CADM2: variants seen among roughly 807,000 people sequenced by gnomAD.
CADM2 encodes the protein immunoglobulin superfamily member 4D.
A neutral mutation model predicts 49.8 loss-of-function variants in CADM2; 12 were observed. The ratio of observed to expected loss-of-function variants is 0.24; its 90% CI spans 0.15 to 0.39. CADM2 has a LOEUF of 0.39. Among genes scored for constraint, CADM2 ranks in the 10% least tolerant of loss-of-function variants. CADM2 has a pLI of 1.00. For missense variants in CADM2, 378 were observed against 492.3 expected, an observed-to-expected ratio of 0.77 and a Z score of 2.20; for synonymous variants, 214 against 175.4, an observed-to-expected ratio of 1.22 and a Z score of -1.74.
chr3:85,037,084 C>T (rs1436620268), intron 1 of CADM2, among the ~76,000 whole-genome samples: 2 of 151,224 alleles, frequency 1.3e-5, no homozygotes, highest in African/African-American at 2.4e-5. Flanking sequence ...GCAGGAGAAT[C>T]GCTTGAACCT....
intron 7 of CADM2, among the ~76,000 whole-genome samples, chr3:85,941,519 C>T (rs1721904880): frequency 6.6e-6 from 1 of 151,994 alleles, no homozygotes; most frequent in Admixed American, 6.6e-5. Flanking sequence ...AGAAGAGAGG[C>T]AGTGTCATGA....
chr3:85,863,716 T>G (rs1663338795), intron 3 of CADM2, among the ~76,000 whole-genome samples: 1 of 152,116 alleles, frequency 6.6e-6, no homozygotes, highest in Admixed American at 6.6e-5. Flanking sequence ...TAGCGAAAAA[T>G]GATTGAAACA....
intron 1 of CADM2, among the ~76,000 whole-genome samples, chr3:85,093,512 C>G (rs911211055): frequency 1.3e-5 from 2 of 151,604 alleles, no homozygotes; most frequent in African/African-American, 4.8e-5. Flanking sequence ...AAAGATACAT[C>G]CTTACAAATA....
chr3:85,959,657 T>C (rs902923015), intron 7 of CADM2, among the ~76,000 whole-genome samples: 1 of 151,906 alleles, frequency 6.6e-6, no homozygotes, highest in Admixed American at 6.6e-5. Context: ...ATATATAGGA[T>C]AGTGGTCTCA....
intron 1 of CADM2, among the ~76,000 whole-genome samples, chr3:85,437,295 GA>G (rs1373953255): frequency 6.6e-6 from 1 of 152,082 alleles, no homozygotes; most frequent in African/African-American, 2.4e-5. Flanking sequence ...TGGCAATGAT[GA>G]AAAAGTTTCT....
intron 1 of CADM2, among the ~76,000 whole-genome samples, chr3:85,024,600 T>C (rs2034644224): frequency 6.6e-6 from 1 of 151,998 alleles, no homozygotes; most frequent in South Asian, 2.1e-4. Context: ...AATTATAAAA[T>C]TATTTATGAG....
chr3:85,283,495 G>C (rs1196984225), intron 1 of CADM2, among the ~76,000 whole-genome samples: 1 of 151,850 alleles, frequency 6.6e-6, no homozygotes, highest in Non-Finnish European at 1.5e-5. Context: ...TGTATTCTTT[G>C]ATTCATTTAA....
intron 2 of CADM2, among the ~76,000 whole-genome samples, chr3:85,763,351 C>G (rs1197343446): frequency 1.3e-5 from 2 of 152,090 alleles, no homozygotes; most frequent in African/African-American, 4.8e-5. Flanking sequence ...TAAGACTCAC[C>G]CTGATTTATT....
chr3:85,179,535 C>G (rs1433686821), intron 1 of CADM2, among the ~76,000 whole-genome samples: 2 of 151,758 alleles, frequency 1.3e-5, no homozygotes, highest in Admixed American at 6.6e-5. Flanking sequence ...ACAAAAATTA[C>G]AATTTTCTAC....
chr3:85,618,420 GA>G (rs995391592), intron 1 of CADM2, among the ~76,000 whole-genome samples: 1 of 151,692 alleles, frequency 6.6e-6, no homozygotes, highest in African/African-American at 2.4e-5. Context: ...TAACGAAACA[GA>G]AAAAAAAGAT....
At chr3:85,720,979 A>C (rs893575879) in intron 1 of CADM2, among the ~76,000 whole-genome samples, 1 of 152,212 alleles carries the variant, frequency 6.6e-6, no homozygotes, top group Non-Finnish European at 1.5e-5. Context: ...GTTATATAAT[A>C]GCTAATGGTT....
chr3:85,746,855 T>C (rs1443979945), intron 2 of CADM2, among the ~76,000 whole-genome samples: 1 of 152,100 alleles, frequency 6.6e-6, no homozygotes, highest in Non-Finnish European at 1.5e-5. Context: ...CCCACCTCCA[T>C]CATGTCTTTT....
At position 85,656,480 on chromosome 3, in the gene CADM2, G is replaced by T. The variant is rs149215220; in HGVS notation, c.62-70042G>T. Among the ~76,000 whole-genome samples, 1,292 of 152,072 alleles carry T rather than the reference G, an allele frequency of 8.5e-3. 14 individuals carry two copies. Among genetic ancestry groups the T allele is most frequent in the African/African-American group, 0.029 (1,219 of 41,480 alleles). ...ATATACAAAAGATTATCCAGGAGTG[G>T]TGTCGTGCACCTGTAATCCCAACTA... On this transcript the variant is annotated intron_variant, in intron 1 of 9. Coordinates refer to ENST00000383699, the MANE Select transcript of CADM2 (RefSeq NM_001167675.2).
intron 1 of CADM2, among the ~76,000 whole-genome samples, chr3:85,112,150 C>T (rs1194574510): frequency 6.6e-6 from 1 of 151,798 alleles, no homozygotes; most frequent in Non-Finnish European, 1.5e-5. Context: ...GAAACTCTTG[C>T]AGCATAGAGT....
At position 85,331,007 on chromosome 3, in the gene CADM2, A is replaced by C. The variant is rs1194521342; in HGVS notation, c.61+371339A>C. On this transcript the variant is annotated intron_variant, in intron 1 of 9. Transcript: ENST00000383699. Reference sequence around the variant, plus strand: ...TTTTATTTAGAACGTTTATGGATATATAATAGCTGTGCATATTTATGGGGT... The same window carrying C: ...TTTTATTTAGAACGTTTATGGATATCTAATAGCTGTGCATATTTATGGGGT... 2.0e-5 allele frequency among the ~76,000 whole-genome samples: 3 copies of C among 152,152 alleles called. No homozygotes were observed. The East Asian group carries it at 5.8e-4, about 29-fold the overall frequency.
chr3:85,483,166 T>C (rs1221677585), intron 1 of CADM2, among the ~76,000 whole-genome samples: 1 of 151,574 alleles, frequency 6.6e-6, no homozygotes, highest in African/African-American at 2.4e-5. Context: ...TTTACCATTT[T>C]AACTGTAAGT....
In CADM2 at chr3:85,044,776, T is replaced by TTTTC. The variant is rs1225831663; in HGVS notation, c.61+85124_61+85127dup. 4.0e-5 allele frequency among the ~76,000 whole-genome samples: 6 copies of TTTTC among 149,300 alleles called. No individual in the cohort carries two copies. In the South Asian group the frequency reaches 6.3e-4, roughly 16 times the overall value. On this transcript the variant is annotated intron_variant, in intron 1 of 9. Transcript: ENST00000383699. ...CATTTATAAAAAAGTTTTAGTGTCT[T>TTTTC]TTTCTTTCTTTCTTTCTTTTTTCTT...
intron 1 of CADM2, among the ~76,000 whole-genome samples, chr3:85,155,559 G>T (rs1164528584): frequency 1.3e-5 from 2 of 152,136 alleles, no homozygotes; most frequent in African/African-American, 4.8e-5. Flanking sequence ...AGGATACCCA[G>T]GAATTGAACT....
intron 1 of CADM2, among the ~76,000 whole-genome samples, chr3:85,239,104 G>T (rs1365897575): frequency 6.6e-6 from 1 of 151,742 alleles, no homozygotes; most frequent in African/African-American, 2.4e-5. Context: ...TTAATCAGAT[G>T]TGGCCCTTTA....
Sources: gnomAD v4.1 joint callset for allele counts (sites outside exome capture counted in the v4.1 genomes callset) on GRCh38, gnomAD v4.1.1 for gene constraint, MANE v1.5 for transcripts, NCBI Gene and HGNC (gene_info 2026-07-23, HGNC 2026-07-21) for gene names.